TNFAIP8L1: variants seen among roughly 807,000 people sequenced by gnomAD.
TNFAIP8L1 encodes the protein tumor necrosis factor alpha-induced protein 8-like protein 1.
For missense variants in TNFAIP8L1, 225 were observed against 266.1 expected, an observed-to-expected ratio of 0.85 and a Z score of 1.08; for synonymous variants, 127 against 125.6, an observed-to-expected ratio of 1.01 and a Z score of -0.08.
In TNFAIP8L1 at chr19:4,652,232, C is replaced by T. The variant is rs1182967830; in HGVS notation, c.363C>T (p.Leu121=). ...GGCGCGTGCTGGCCGCCGGGCTGCT[C>T]GAGTGCCGCGACCTGCTGCACCAGG... ...FDRRVLAAGL[L]ECRDLLHQAV... is the part of the protein sequence containing the mutation. Residue 121 remains leucine (L), a synonymous_variant, in exon 2 of 2, where the codon CTC becomes CTT. Transcript: ENST00000327473. 1.3e-6 allele frequency: 2 copies of T among 1,548,372 alleles called. No individual in the cohort carries two copies. Among genetic ancestry groups the T allele is most frequent in the Non-Finnish European group, 1.7e-6 (2 of 1,149,902 alleles).
chr19:4,646,628 C>G (rs1383460520), intron 1 of TNFAIP8L1, among the ~76,000 whole-genome samples: 6 of 151,602 alleles, frequency 4.0e-5, no homozygotes, highest in Non-Finnish European at 8.8e-5. Flanking sequence ...ACAGGCCTCT[C>G]CTGAACATTT....
At chr19:4,649,441 G>C (rs1376801805) in intron 1 of TNFAIP8L1, among the ~76,000 whole-genome samples, 1 of 152,154 alleles carries the variant, frequency 6.6e-6, no homozygotes, top group East Asian at 1.9e-4. Flanking sequence ...TTTCAGATGG[G>C]GAAACTGAGG....
At position 4,652,090 on chromosome 19, in the gene TNFAIP8L1, T is replaced by G. The variant is rs761660556; in HGVS notation, c.221T>G (p.Leu74Arg). The G allele has an allele frequency of 1.9e-6, 3 of 1,602,524 alleles. No individual in the cohort carries two copies. The South Asian group carries it at 3.4e-5, about 18-fold the overall frequency. ...VKVALKLGLLLRGDQLGGEEL... is the reference protein window; with the variant it reads ...VKVALKLGLLRRGDQLGGEEL... ...GTGGCCCTGAAGCTGGGACTGCTGC[T>G]GCGTGGGGACCAGCTGGGCGGTGAG... Residue 74 changes from leucine to arginine, a missense_variant, in exon 2 of 2, where the codon CTG becomes CGG. Transcript: ENST00000327473.
At position 4,645,725 on chromosome 19, in the gene TNFAIP8L1, G is replaced by A. The variant is rs898909668; in HGVS notation, c.-4+6096G>A. Among the ~76,000 whole-genome samples, 10 of 150,610 alleles carry A rather than the reference G, an allele frequency of 6.6e-5. No homozygotes were observed. The highest frequency in any genetic ancestry group is 2.4e-4 in the African/African-American group (10 of 40,836). On this transcript the variant is annotated intron_variant, in intron 1 of 1. Transcript: ENST00000327473. The surrounding 1 kb of genome is among the most constrained non-coding windows in gnomAD (Gnocchi z 4.1). ...CCGTCTCAAAAAAAAAAAAAAAAAG[G>A]AATATAGGGAGCAGGGGAAGAGTCA...
Position 4,652,020 on chromosome 19 carries a change from C to T in TNFAIP8L1, c.151C>T (p.Arg51Cys). Residue 51 changes from arginine (R) to cysteine (C), a missense_variant, in exon 2 of 2, where the codon CGC becomes TGC. Coordinates refer to ENST00000327473, the MANE Select transcript of TNFAIP8L1 (RefSeq NM_152362.3). ...ELYRATREFT[R>C]SRKEAQKMLK... ...GTACCGCGCCACCAGGGAGTTCACG[C>T]GCAGCCGCAAGGAGGCCCAGAAGAT... The T allele has an allele frequency of 1.2e-6, 2 of 1,614,006 alleles. No individual in the cohort carries two copies. The highest frequency in any genetic ancestry group is 1.1e-5 in the South Asian group (1 of 91,064).
In TNFAIP8L1 at chr19:4,645,186, C is replaced by T. The variant is rs141982868; in HGVS notation, c.-4+5557C>T. 1.3e-5 allele frequency among the ~76,000 whole-genome samples: 2 copies of T among 152,290 alleles called. No homozygotes were observed. The highest frequency in any genetic ancestry group is 3.9e-4 in the East Asian group (2 of 5,184). The stretch of plus-strand genomic sequence containing the variant: ...TGCAGCCAGCTCACCAGAGCCACCT[C>T]CTGTGTTTTCAGGAATTTTGCCATC... On this transcript the variant is annotated intron_variant, in intron 1 of 1. Transcript: ENST00000327473. The surrounding 1 kb of genome is among the most constrained non-coding windows in gnomAD (Gnocchi z 4.1).
At chr19:4,639,726 C>A (rs953190363) in intron 1 of TNFAIP8L1, 97 bp downstream of exon 1, 1 of 152,424 alleles carries the variant, frequency 6.6e-6, no homozygotes, top group Non-Finnish European at 1.5e-5. Context: ...TTCTGCACCC[C>A]ACCGCCTGTC....
intron 1 of TNFAIP8L1, among the ~76,000 whole-genome samples, chr19:4,643,044 T>C (rs1358501524): frequency 1.3e-5 from 2 of 151,910 alleles, no homozygotes; most frequent in East Asian, 3.9e-4. Context: ...TTTGGGAGGC[T>C]GAGGCAAGTG....
intron 1 of TNFAIP8L1, among the ~76,000 whole-genome samples, chr19:4,647,947 G>A (rs1326238732): frequency 6.6e-6 from 1 of 152,066 alleles, no homozygotes; most frequent in East Asian, 1.9e-4. Context: ...TTGTAATGAG[G>A]AGGCAGCTTG....
intron 1 of TNFAIP8L1, among the ~76,000 whole-genome samples, chr19:4,643,564 G>T (rs55827395): frequency 0.12 from 18,847 of 152,264 alleles, 1,348 homozygotes; most frequent in African/African-American, 0.2. Context: ...TCCTGAGGGT[G>T]CTGGGGAACC....
rs1437911068 is a variant in TNFAIP8L1, at chr19:4,651,690, C to T, written c.-3-177C>T. 2.0e-5 allele frequency among the ~76,000 whole-genome samples: 3 copies of T among 152,218 alleles called. No homozygotes were observed. In the East Asian group the frequency reaches 5.8e-4, roughly 29 times the overall value. On this transcript the variant is annotated intron_variant, in intron 1 of 1. Transcript: ENST00000327473. ...CTCCTAACCTCGATCTCAGGCGATC[C>T]GCCTGCCTAGGCATCCCAAATTGCT...
At chr19:4,642,793 G>A (rs2088274067) in intron 1 of TNFAIP8L1, among the ~76,000 whole-genome samples, 1 of 152,050 alleles carries the variant, frequency 6.6e-6, no homozygotes, top group Admixed American at 6.6e-5. Flanking sequence ...GATCTTATGG[G>A]CTGCCAGGAA....
Position 4,652,811 on chromosome 19 carries a change from G to A in TNFAIP8L1, c.*381G>A, listed in dbSNP as rs958794654. The A allele has an allele frequency of 4.4e-6, 1 of 229,266 alleles. No individual in the cohort carries two copies. The highest frequency in any genetic ancestry group is 1.7e-4 in the South Asian group (1 of 6,052). The allele number at this position is 229,266 out of a possible 1,614,324, so 14.2% of individuals were successfully genotyped here. A position where few individuals can be genotyped will look rare whatever the true frequency, so the allele number is the denominator to read the frequency against. ...TTTTCATCCCTCGCACAAGGACTAC[G>A]GGTTCACACGGTGAACTGGGGGAAG... On this transcript the variant is annotated 3_prime_UTR_variant, in exon 2 of 2. Coordinates refer to ENST00000327473, the MANE Select transcript of TNFAIP8L1 (RefSeq NM_152362.3).
chr19:4,650,033 G>A (rs572819455), intron 1 of TNFAIP8L1, among the ~76,000 whole-genome samples: 1 of 152,170 alleles, frequency 6.6e-6, no homozygotes, highest in Non-Finnish European at 1.5e-5. Flanking sequence ...GACCGGGGGC[G>A]GGTCTCAGGC....
At chr19:4,651,740 G>A (rs113949837) in intron 1 of TNFAIP8L1, 127 bp from the exon 2 acceptor site, 5 of 1,096,272 alleles carry the variant, frequency 4.6e-6, no homozygotes, top group South Asian at 3.4e-5. Flanking sequence ...GAGCCACTGC[G>A]TCCGGCATGA....
intron 1 of TNFAIP8L1, chr19:4,642,066 C>CT (rs2088265808): frequency 6.6e-6 from 1 of 152,154 alleles, no homozygotes; most frequent in Non-Finnish European, 1.5e-5. Flanking sequence ...TAGTCCCAGC[C>CT]ACTCTGGAGG....
chr19:4,648,924 C>CTTTTTTT (rs10526236), intron 1 of TNFAIP8L1, among the ~76,000 whole-genome samples: 1 of 132,472 alleles, frequency 7.5e-6, no homozygotes, highest in Non-Finnish European at 1.6e-5. Flanking sequence ...TGCAAACATC[C>CTTTTTTT]TTTTTTTTTT....
rs1383729510 is a variant in TNFAIP8L1, at chr19:4,652,417, A to G, written c.548A>G (p.Glu183Gly). 1.3e-6 allele frequency: 2 copies of G among 1,528,304 alleles called. No individual in the cohort carries two copies. Among genetic ancestry groups the G allele is most frequent in the Non-Finnish European group, 1.8e-6 (2 of 1,135,192 alleles). The allele number at this position is 1,528,304 out of a possible 1,614,324, so 94.7% of individuals were successfully genotyped here. A position where few individuals can be genotyped will look rare whatever the true frequency, so the allele number is the denominator to read the frequency against. The change falls in exon 2 of 2, where the codon GAG becomes GGG. Residue 183 changes from glutamate (E) to glycine (G), a missense_variant. Glu to Gly is a moderately conservative substitution (Grantham distance 98). Transcript: ENST00000327473. The stretch of plus-strand genomic sequence containing the variant: ...GAGGGCCTGGGCCGGATGCTGGACG[A>G]GGGCAGCCTCTGAACCCCGGCGCCG... Reference protein sequence around the residue: ...ICEGLGRMLDEGSL With the variant: ...ICEGLGRMLDGGSL
chr19:4,642,497 A>G (rs947414745), intron 1 of TNFAIP8L1: 1 of 144,480 alleles, frequency 6.9e-6, no homozygotes, highest in African/African-American at 2.5e-5. Context: ...AAAAAAAAAA[A>G]ATTAAAAATA....
Sources: gnomAD v4.1 joint callset for allele counts (sites outside exome capture counted in the v4.1 genomes callset) on GRCh38, gnomAD v4.1.1 for gene constraint, Gnocchi (gnomAD v3.1) non-coding constraint, MANE v1.5 for transcripts, NCBI Gene and HGNC (gene_info 2026-07-23, HGNC 2026-07-21) for gene names.